Variants in RNF152 observed in about 807,000 individuals in gnomAD.
The protein encoded by RNF152 is ring finger protein 152, also known as E3 ubiquitin-protein ligase RNF152.
In RNF152, 11 loss-of-function variants were observed where a neutral mutation model predicts 12.7. That is an observed-to-expected ratio of 0.86 (90% confidence interval 0.54 to 1.43). The LOEUF is 1.43. Among genes scored for constraint, RNF152 ranks in the 40% most tolerant of loss-of-function variants. The probability of loss-of-function intolerance (pLI) is 0.00; values close to 1 mark genes in which losing one functional copy is unlikely to be tolerated. For synonymous variants in RNF152, 113 were observed against 120.3 expected (o/e 0.94, Z 0.40); for missense variants, 255 against 274.8 (o/e 0.93, Z 0.51).
Position 61,835,905 on chromosome 18 carries a change from A to C in RNF152, c.-135-19307T>G, listed in dbSNP as rs528067501. Among the ~76,000 whole-genome samples, 3 of 152,360 alleles carry C rather than the reference A, an allele frequency of 2.0e-5. No homozygotes were observed. In the South Asian group the frequency reaches 6.2e-4, roughly 32 times the overall value. Reference sequence around the variant, plus strand: ...ACCAGATTGATATTGTCAGAAAACAAGGCCAAGGCTTTCTCACTGTGGAAG... The same window carrying C: ...ACCAGATTGATATTGTCAGAAAACACGGCCAAGGCTTTCTCACTGTGGAAG... On this transcript the variant is annotated intron_variant, in intron 1 of 1. Transcript: ENST00000312828.
intron 1 of RNF152, among the ~76,000 whole-genome samples, chr18:61,891,618 C>A (rs1213586089): frequency 6.6e-6 from 1 of 152,172 alleles, no homozygotes; most frequent in Non-Finnish European, 1.5e-5. Context: ...AAGCACTGGC[C>A]TTTGTTTCAC....
chr18:61,869,298 T>G lies in RNF152; in HGVS notation c.-136+23497A>C, dbSNP rs534726926. Among the ~76,000 whole-genome samples, 281 of 152,314 alleles carry G rather than the reference T, an allele frequency of 1.8e-3. 1 individual carries two copies. Among genetic ancestry groups the G allele is most frequent in the Non-Finnish European group, 2.9e-3 (196 of 68,026 alleles). On this transcript the variant is annotated intron_variant, in intron 1 of 1. Coordinates refer to ENST00000312828, the MANE Select transcript of RNF152 (RefSeq NM_173557.3). ...GCTGTCAGGGGTCTTCTTCCAATCA[T>G]ACTTCCAAGCAACTCAAGTGTTCAA...
At chr18:61,890,796 G>A (rs1757762868) in intron 1 of RNF152, among the ~76,000 whole-genome samples, 1 of 152,328 alleles carries the variant, frequency 6.6e-6, no homozygotes, top group Non-Finnish European at 1.5e-5. Context: ...AATTAGAAAT[G>A]AAAACAGAAT....
At chr18:61,833,791 T>C (rs1340142289) in intron 1 of RNF152, among the ~76,000 whole-genome samples, 1 of 152,222 alleles carries the variant, frequency 6.6e-6, no homozygotes, top group Non-Finnish European at 1.5e-5. Flanking sequence ...AGATTTTTCT[T>C]TCTGTCCATA....
chr18:61,844,715 G>A (rs372095491), intron 1 of RNF152, among the ~76,000 whole-genome samples: 15 of 152,284 alleles, frequency 9.9e-5, no homozygotes, highest in African/African-American at 3.4e-4. Context: ...ACCATAGCAC[G>A]GGTCGGTAGG....
At chr18:61,865,705 G>T (rs1235333506) in intron 1 of RNF152, among the ~76,000 whole-genome samples, 1 of 152,116 alleles carries the variant, frequency 6.6e-6, no homozygotes, top group Non-Finnish European at 1.5e-5. Flanking sequence ...CCTCAGAAAA[G>T]AATTTTCTGA....
chr18:61,893,158 GAGCGCCTACTAGCAACAGTA>G (rs1381061154), upstream of RNF152: 1 of 152,214 alleles, frequency 6.6e-6, no homozygotes, highest in Non-Finnish European at 1.5e-5. Context: ...TCTGGTGGCA[GAGCGCCTACTAGCAACAGTA>G]AGCCCTAGGA....
At chr18:61,885,550 C>T (rs1912651025) in intron 1 of RNF152, among the ~76,000 whole-genome samples, 1 of 152,010 alleles carries the variant, frequency 6.6e-6, no homozygotes, top group Admixed American at 6.5e-5. Context: ...TCAAGTAATC[C>T]ACCCGCCTCA....
intron 1 of RNF152, among the ~76,000 whole-genome samples, chr18:61,837,947 C>T (rs1257503708): frequency 3.9e-5 from 6 of 152,250 alleles, no homozygotes; most frequent in Middle Eastern, 6.8e-3. Context: ...CTCCTGCCCT[C>T]CTGTCTTCAC....
intron 1 of RNF152, among the ~76,000 whole-genome samples, chr18:61,830,000 G>A (rs1034521849): frequency 2.6e-5 from 4 of 151,214 alleles, no homozygotes; most frequent in African/African-American, 4.8e-5. Context: ...TGTAGCCATC[G>A]TCCCCATCTA....
In RNF152 at chr18:61,814,390, T is replaced by C. The variant is rs149213369; in HGVS notation, c.*1462A>G. 2 of 152,350 alleles carry C rather than the reference T, an allele frequency of 1.3e-5. No homozygotes were observed. Among genetic ancestry groups the C allele is most frequent in the African/African-American group, 4.8e-5 (2 of 41,588 alleles). The allele number at this position is 152,350 out of a possible 1,614,324, so 9.4% of individuals were successfully genotyped here. On this transcript the variant is annotated 3_prime_UTR_variant, in exon 2 of 2. Transcript: ENST00000312828. ...ATTTATAAGTGGAGTCCTTGTCACA[T>C]ACCACTTGCTTCATGAATTCCATAA... is the stretch of plus-strand genomic sequence containing the variant.
intron 1 of RNF152, among the ~76,000 whole-genome samples, chr18:61,869,746 C>A (rs1225564879): frequency 1.3e-5 from 2 of 152,138 alleles, no homozygotes; most frequent in Non-Finnish European, 2.9e-5. Context: ...TGAGTGGGCA[C>A]ACACACACGC....
chr18:61,837,864 T>C (rs1910259665), intron 1 of RNF152, among the ~76,000 whole-genome samples: 1 of 152,188 alleles, frequency 6.6e-6, no homozygotes, highest in Non-Finnish European at 1.5e-5. Flanking sequence ...CCAAATGCAT[T>C]CTTTCCTTCA....
At chr18:61,875,643 GTT>G (rs200521489) in intron 1 of RNF152, among the ~76,000 whole-genome samples, 1 of 152,046 alleles carries the variant, frequency 6.6e-6, no homozygotes, top group East Asian at 1.9e-4. Flanking sequence ...TCCCAAATCT[GTT>G]TTTTTCCCTG....
intron 1 of RNF152, among the ~76,000 whole-genome samples, chr18:61,822,020 G>A (rs1358935375): frequency 6.6e-6 from 1 of 152,150 alleles, no homozygotes. Context: ...TACAGGAAGA[G>A]CAAGATGTGA....
chr18:61,826,385 A>G (rs1378285780), intron 1 of RNF152, among the ~76,000 whole-genome samples: 1 of 152,144 alleles, frequency 6.6e-6, no homozygotes, highest in Non-Finnish European at 1.5e-5. Flanking sequence ...GCAAACACAC[A>G]TCTTATCACA....
intron 1 of RNF152, among the ~76,000 whole-genome samples, chr18:61,859,730 T>G (rs922683460): frequency 6.6e-6 from 1 of 151,974 alleles, no homozygotes. Context: ...AGTACAAAAA[T>G]TAGCCAGGCG....
At chr18:61,843,217 C>A (rs1305807075) in intron 1 of RNF152, among the ~76,000 whole-genome samples, 2 of 152,172 alleles carry the variant, frequency 1.3e-5, no homozygotes. Flanking sequence ...AACTCGTGCA[C>A]ACCCTACAGA....
chr18:61,868,635 A>G (rs2031121143), intron 1 of RNF152, among the ~76,000 whole-genome samples: 1 of 152,264 alleles, frequency 6.6e-6, no homozygotes, highest in South Asian at 2.1e-4. Context: ...CCCGGGAAGC[A>G]GAGGTTGCAG....
Sources: allele counts gnomAD v4.1 joint callset (sites outside exome capture counted in the v4.1 genomes callset), GRCh38; gene constraint gnomAD v4.1.1; transcripts MANE v1.5; gene names NCBI Gene and HGNC (gene_info 2026-07-23, HGNC 2026-07-21).